Variants in DOCK4 observed in about 807,000 individuals in gnomAD.
DOCK4 encodes the protein dedicator of cytokinesis protein 4.
In DOCK4, 97 loss-of-function variants were observed where a neutral mutation model predicts 268.1. The ratio of observed to expected loss-of-function variants is 0.36; its 90% CI spans 0.31 to 0.43. The LOEUF is 0.43. Ranked by LOEUF, DOCK4 falls within the 20% of genes least tolerant of loss-of-function variation. DOCK4 has a pLI of 1.00. For synonymous variants in DOCK4, 954 were observed against 887.2 expected, an observed-to-expected ratio of 1.08 and a Z score of -1.34; for missense variants, 2,145 against 2,455.7, an observed-to-expected ratio of 0.87 and a Z score of 2.67.
At chr7:111,742,729 C>T (rs1796002357) in intron 44 of DOCK4, among the ~76,000 whole-genome samples, 1 of 152,210 alleles carries the variant, frequency 6.6e-6, no homozygotes, top group African/African-American at 2.4e-5. Flanking sequence ...CGCGGTGGCT[C>T]ACGCCTGTAA....
intron 1 of DOCK4, among the ~76,000 whole-genome samples, chr7:112,042,507 A>G (rs1225823945): frequency 6.6e-6 from 1 of 152,146 alleles, no homozygotes; most frequent in East Asian, 1.9e-4. Context: ...AGACTAACAC[A>G]TGCTGAGTAG....
chr7:111,813,891 C>T (rs894206952), intron 27 of DOCK4, among the ~76,000 whole-genome samples: 3 of 152,214 alleles, frequency 2.0e-5, no homozygotes, highest in South Asian at 2.1e-4. Context: ...TCTTGCCTAG[C>T]ATCCAGTAAG....
intron 1 of DOCK4, among the ~76,000 whole-genome samples, chr7:112,066,695 A>ATGTATGTATGTGTG (rs1563052170): frequency 5.1e-4 from 6 of 11,728 alleles, no homozygotes; most frequent in African/African-American, 1.1e-3. Flanking sequence ...ATATACATAT[A>ATGTATGTATGTGTG]TATATATATA....
chr7:111,913,501 C>G (rs1792310278), intron 13 of DOCK4, among the ~76,000 whole-genome samples: 1 of 151,368 alleles, frequency 6.6e-6, no homozygotes, highest in African/African-American at 2.4e-5. Flanking sequence ...GCTCCACCTC[C>G]CGGGTTCACG....
chr7:111,783,016 A>AAT, intron 34 of DOCK4, 92 bp from the exon 35 acceptor site: 2 of 1,049,432 alleles, frequency 1.9e-6, no homozygotes, highest in African/African-American at 1.9e-5. Context: ...GAAAGAAAGA[A>AAT]AGAAAAAAAA....
At chr7:111,791,070 T>TATATATATATATA (rs1554593887) in intron 30 of DOCK4, among the ~76,000 whole-genome samples, 8 of 95,440 alleles carry the variant, frequency 8.4e-5, no homozygotes, top group African/African-American at 4.2e-4. Flanking sequence ...AAAAAAAAAA[T>TATATATATATATA]TATATATATA....
chr7:112,203,218 A>T (rs1193090761), intron 1 of DOCK4, among the ~76,000 whole-genome samples: 1 of 152,172 alleles, frequency 6.6e-6, no homozygotes, highest in Non-Finnish European at 1.5e-5. Context: ...CCTAAGGTGA[A>T]ATTGCCTATC....
chr7:112,203,450 T>C (rs1821120086), intron 1 of DOCK4, among the ~76,000 whole-genome samples: 1 of 152,156 alleles, frequency 6.6e-6, no homozygotes, highest in Non-Finnish European at 1.5e-5. Flanking sequence ...TTTAACTAAT[T>C]TTACCCATGT....
intron 1 of DOCK4, among the ~76,000 whole-genome samples, chr7:112,027,790 T>C (rs1802933507): frequency 2.0e-5 from 3 of 152,224 alleles, no homozygotes; most frequent in Admixed American, 6.5e-5. Context: ...TTATTTGACA[T>C]CCTTCTCCAA....
In DOCK4 at chr7:111,790,473, C is replaced by T. The variant is rs762653185; in HGVS notation, c.3299G>A (p.Ser1100Asn). The change falls in exon 31 of 53, where the codon AGT becomes AAT. Residue 1100 changes from serine (S) to asparagine (N), a missense_variant. Around this residue, in one of 2 missense-constraint regions of DOCK4, gnomAD observed 1,598 missense variants for 1,986.7 expected, o/e 0.80. Transcript: ENST00000428084. ...HDMMDWEQRRSGNFKQVEAKL... is the reference protein window; with the variant it reads ...HDMMDWEQRRNGNFKQVEAKL... ...TCTGCCTACCTGTTTAAAGTTGCCA[C>T]TCCGCCTCTGCTCCCAGTCCATCAT... The T allele has an allele frequency of 3.7e-6, 6 of 1,613,868 alleles. No individual in the cohort carries two copies. Among genetic ancestry groups the T allele is most frequent in the African/African-American group, 2.7e-5 (2 of 75,038 alleles).
intron 1 of DOCK4, among the ~76,000 whole-genome samples, chr7:112,047,736 A>G (rs1804948838): frequency 6.6e-6 from 1 of 152,182 alleles, no homozygotes; most frequent in Non-Finnish European, 1.5e-5. Flanking sequence ...TCAGTTGCCC[A>G]GGCTGGAGGG....
intron 42 of DOCK4, among the ~76,000 whole-genome samples, chr7:111,748,534 G>A (rs1796426143): frequency 6.6e-6 from 1 of 152,136 alleles, no homozygotes; most frequent in Non-Finnish European, 1.5e-5. Context: ...CCTCATTTGT[G>A]ATCAAAGATG....
intron 8 of DOCK4, among the ~76,000 whole-genome samples, chr7:111,958,002 G>T (rs982057468): frequency 9.2e-5 from 14 of 152,250 alleles, no homozygotes; most frequent in African/African-American, 3.4e-4. Flanking sequence ...GTTCTTATTA[G>T]CACAGTGTAA....
intron 23 of DOCK4, among the ~76,000 whole-genome samples, chr7:111,861,731 G>T (rs1805536726): frequency 7.5e-6 from 1 of 133,344 alleles, no homozygotes; most frequent in East Asian, 2.1e-4. Context: ...GGGTGGCTGA[G>T]CAAGACTCAG....
At chr7:111,755,407 G>GT in intron 42 of DOCK4, 108 bp downstream of exon 42, 3 of 1,008,998 alleles carry the variant, frequency 3.0e-6, no homozygotes, top group Non-Finnish European at 4.6e-6. Context: ...ATTTTACTAT[G>GT]AGTGCTTCCA....
At chr7:111,926,094 A>AGAAAGAC (rs1793608356) in intron 12 of DOCK4, among the ~76,000 whole-genome samples, 1 of 138,340 alleles carries the variant, frequency 7.2e-6, no homozygotes, top group Non-Finnish European at 1.5e-5. Flanking sequence ...ACAAAGAAAA[A>AGAAAGAC]AGAAAGAGAG....
intron 30 of DOCK4, among the ~76,000 whole-genome samples, chr7:111,798,113 G>A (rs1259180329): frequency 6.6e-6 from 1 of 152,190 alleles, no homozygotes; most frequent in Non-Finnish European, 1.5e-5. Context: ...TGCTATCAGG[G>A]TAGCAGGCCA....
At chr7:111,748,575 A>G (rs1796429813) in intron 42 of DOCK4, among the ~76,000 whole-genome samples, 1 of 152,182 alleles carries the variant, frequency 6.6e-6, no homozygotes, top group East Asian at 1.9e-4. Context: ...ACATACTACT[A>G]AACACCCACT....
intron 1 of DOCK4, among the ~76,000 whole-genome samples, chr7:112,140,164 T>C (rs758958376): frequency 3.5e-4 from 54 of 152,156 alleles, no homozygotes; most frequent in Non-Finnish European, 7.1e-4. Context: ...CAGCGGGAAT[T>C]ACCCCATGAA....
Sources: gnomAD v4.1 joint callset for allele counts (sites outside exome capture counted in the v4.1 genomes callset) on GRCh38, gnomAD v4.1.1 for gene constraint, gnomAD v4.1.1 regional missense constraint, MANE v1.5 for transcripts, NCBI Gene and HGNC (gene_info 2026-07-23, HGNC 2026-07-21) for gene names.